Variants in SLC12A8 observed in about 807,000 individuals in gnomAD.
The protein encoded by SLC12A8 is solute carrier family 12 member 8.
Under a neutral mutation model 75.6 loss-of-function variants are expected in SLC12A8, and 69 were observed. The observed-to-expected ratio is 0.91, with a 90% CI of 0.75 to 1.11. SLC12A8 has a LOEUF of 1.11. Among genes scored for constraint, SLC12A8 ranks in the 50% most tolerant of loss-of-function variants. The pLI is 0.00. For synonymous variants in SLC12A8, 365 were observed against 372.8 expected (o/e 0.98, Z 0.24); for missense variants, 877 against 896.7 (o/e 0.98, Z 0.28).
At position 125,085,076 on chromosome 3, in the gene SLC12A8, A is replaced by G. The variant is rs1269479159; in HGVS notation, c.1983-1024T>C. On this transcript the variant is annotated intron_variant, in intron 13 of 13. Coordinates refer to ENST00000469902, the MANE Select transcript of SLC12A8 (RefSeq NM_024628.6). ...CTATAGAAGTTCAGATCACATGACT[A>G]TGGCATTACAGCCAGTTGTTGAGAA... Among the ~76,000 whole-genome samples the G allele has an allele frequency of 2.6e-5, 4 of 152,220 alleles. No individual in the cohort carries two copies. The East Asian group carries it at 7.7e-4, about 29-fold the overall frequency.
At chr3:125,139,653 AG>A (rs1933579562) in intron 5 of SLC12A8, among the ~76,000 whole-genome samples, 1 of 152,156 alleles carries the variant, frequency 6.6e-6, no homozygotes, top group South Asian at 2.1e-4. Context: ...GGGCTTATGC[AG>A]AGTGGGTGCC....
intron 10 of SLC12A8, among the ~76,000 whole-genome samples, chr3:125,101,423 T>A (rs950324480): frequency 6.6e-6 from 1 of 152,272 alleles, no homozygotes; most frequent in Non-Finnish European, 1.5e-5. Context: ...TTTTCAAATG[T>A]AAAACTTTGT....
intron 2 of SLC12A8, among the ~76,000 whole-genome samples, chr3:125,198,609 G>T (rs1177718398): frequency 1.3e-5 from 2 of 152,046 alleles, no homozygotes; most frequent in African/African-American, 4.8e-5. Flanking sequence ...CTCCAGCCTG[G>T]GGGAGAATAG....
intron 2 of SLC12A8, among the ~76,000 whole-genome samples, chr3:125,193,531 A>C (rs922691693): frequency 3.9e-5 from 6 of 152,190 alleles, no homozygotes; most frequent in African/African-American, 1.4e-4. Context: ...TTGCGTCGTG[A>C]GAGCTCTTGC....
intron 1 of SLC12A8, among the ~76,000 whole-genome samples, chr3:125,212,125 G>A (rs548720154): frequency 6.6e-6 from 1 of 152,162 alleles, no homozygotes; most frequent in East Asian, 1.9e-4. Flanking sequence ...GAGGGGGAGG[G>A]TTAGAGCTGA....
rs535081360 is a variant in SLC12A8 at position 125,086,701 on chromosome 3, C to T, written c.1982+1609G>A. Among the ~76,000 whole-genome samples, 3 of 152,296 alleles carry T rather than the reference C, an allele frequency of 2.0e-5. No homozygotes were observed. In the South Asian group the frequency reaches 6.2e-4, roughly 32 times the overall value. ...GTGACCTGGCTCACCCAACCTTGTG[C>T]ATCGGACAGGACAAGAGGCAGAAAG... On this transcript the variant is annotated intron_variant, in intron 13 of 13. Transcript: ENST00000469902.
intron 12 of SLC12A8, 73 bp from the exon 13 acceptor site, chr3:125,088,443 G>T (rs1938514676): frequency 2.3e-6 from 3 of 1,319,704 alleles, no homozygotes; most frequent in African/African-American, 1.5e-5. Flanking sequence ...GTTTTAATAG[G>T]GTGAATGCAA....
At chr3:125,127,131 A>T (rs1933228999) in intron 6 of SLC12A8, among the ~76,000 whole-genome samples, 1 of 152,176 alleles carries the variant, frequency 6.6e-6, no homozygotes, top group Admixed American at 6.5e-5. Context: ...ATTCCTAAAG[A>T]CTGGTCTGCC....
intron 10 of SLC12A8, among the ~76,000 whole-genome samples, chr3:125,099,722 A>G (rs1325832946): frequency 6.6e-6 from 1 of 152,162 alleles, no homozygotes; most frequent in Non-Finnish European, 1.5e-5. Context: ...TAAGGTCAGG[A>G]GTTTGAGACC....
intron 5 of SLC12A8, among the ~76,000 whole-genome samples, chr3:125,159,548 A>T (rs770300149): frequency 1.3e-5 from 2 of 152,232 alleles, no homozygotes; most frequent in Non-Finnish European, 2.9e-5. Context: ...AAAATCTGAG[A>T]ACCAATCTGA....
intron 5 of SLC12A8, among the ~76,000 whole-genome samples, chr3:125,138,183 C>T (rs1351804661): frequency 6.6e-6 from 1 of 152,200 alleles, no homozygotes; most frequent in African/African-American, 2.4e-5. Flanking sequence ...AGGTGGATCA[C>T]TTGAGATTAG....
intron 5 of SLC12A8, among the ~76,000 whole-genome samples, chr3:125,170,901 C>G (rs913581138): frequency 6.6e-6 from 1 of 151,820 alleles, no homozygotes; most frequent in African/African-American, 2.4e-5. Context: ...GGTGACAGAG[C>G]GAGACTCCGT....
At chr3:125,168,912 C>G (rs1413493226) in intron 5 of SLC12A8, among the ~76,000 whole-genome samples, 1 of 152,184 alleles carries the variant, frequency 6.6e-6, no homozygotes, top group African/African-American at 2.4e-5. Flanking sequence ...CTGTGCCTGG[C>G]CTGGCCCAAC....
At chr3:125,158,265 G>C (rs1234147242) in intron 5 of SLC12A8, among the ~76,000 whole-genome samples, 1 of 151,500 alleles carries the variant, frequency 6.6e-6, no homozygotes, top group African/African-American at 2.4e-5. Flanking sequence ...CTGTCACCCA[G>C]GCTGCAGTGC....
Position 125,198,767 on chromosome 3 carries a change from A to C in SLC12A8, c.52-8246T>G, listed in dbSNP as rs1935055946. The stretch of plus-strand genomic sequence containing the variant: ...GTAAAATTTTAATGTAGAGCTACAG[A>C]TTAGACAATAGGATTTTTTTTTTTT... On this transcript the variant is annotated intron_variant, in intron 2 of 13. Transcript: ENST00000469902. 2.1e-5 allele frequency among the ~76,000 whole-genome samples: 3 copies of C among 146,212 alleles called. No individual in the cohort carries two copies. In the South Asian group the frequency reaches 6.4e-4, roughly 31 times the overall value.
chr3:125,110,077 A>G lies in SLC12A8; in HGVS notation c.1059+112T>C. On this transcript the variant is annotated intron_variant, in intron 9 of 13. Transcript: ENST00000469902. ...TGCATTATTTTCTGTGTCACCCCAA[A>G]GAAATTGACCAGAGGCTCTGATCAG... The G allele has an allele frequency of 5.1e-6, 6 of 1,173,292 alleles. No homozygotes were observed. In the South Asian group the frequency reaches 7.7e-5, roughly 15 times the overall value. 72.7% of individuals were successfully genotyped at this position (1,173,292 alleles called of 1,614,324 possible).
chr3:125,190,275 T>C, intron 3 of SLC12A8, 100 bp downstream of exon 3: 2 of 1,304,484 alleles, frequency 1.5e-6, no homozygotes, highest in Non-Finnish European at 2.1e-6. Flanking sequence ...GGAGCATCTG[T>C]GCTTCAGGAA....
At chr3:125,172,977 G>A (rs6762089) in intron 5 of SLC12A8, among the ~76,000 whole-genome samples, 39,814 of 152,060 alleles carry the variant, frequency 0.26, 5,982 homozygotes, top group Middle Eastern at 0.43. Flanking sequence ...TCAGGAGTTC[G>A]AGACCAGCCT....
At chr3:125,096,543 T>C (rs1002600114) in intron 10 of SLC12A8, among the ~76,000 whole-genome samples, 8 of 152,346 alleles carry the variant, frequency 5.3e-5, no homozygotes, top group Middle Eastern at 3.4e-3. Context: ...GACTTCATCC[T>C]CTCAACATCT....
Sources: allele counts gnomAD v4.1 joint callset (sites outside exome capture counted in the v4.1 genomes callset), GRCh38; gene constraint gnomAD v4.1.1; transcripts MANE v1.5; gene names NCBI Gene and HGNC (gene_info 2026-07-23, HGNC 2026-07-21).